Variants in RBM12 observed in about 807,000 individuals in gnomAD.
RBM12 encodes RNA-binding protein 12.
Under a neutral mutation model 37.2 loss-of-function variants are expected in RBM12, and 24 were observed. That is an observed-to-expected ratio of 0.65 (90% CI 0.47 to 0.91). The LOEUF (loss-of-function observed/expected upper bound fraction) is 0.91. RBM12 is among the 40% of genes least tolerant of loss of function. RBM12 has a pLI of 0.00. For synonymous variants in RBM12, 420 were observed against 425.2 expected, an observed-to-expected ratio of 0.99 and a Z score of 0.15; for missense variants, 1,061 against 1,183.2, an observed-to-expected ratio of 0.90 and a Z score of 1.52.
intron 1 of RBM12, among the ~76,000 whole-genome samples, chr20:35,662,394 T>G (rs1488347654): frequency 6.6e-6 from 1 of 152,216 alleles, no homozygotes; most frequent in African/African-American, 2.4e-5. Context: ...GGTATATGGG[T>G]GTGGTAGTAA....
Position 35,653,515 on chromosome 20 carries a change from C to CCTTA in RBM12, c.1807_1808insTAAG (p.Arg603LeufsTer6). 6.2e-7 allele frequency: 1 copy of CCTTA among 1,614,196 alleles called. No individual in the cohort carries two copies. The highest frequency in any genetic ancestry group is 1.1e-5 in the South Asian group (1 of 91,084). On this transcript the variant is annotated frameshift_variant, in exon 3 of 3. Transcript: ENST00000374114. LOFTEE classifies it high-confidence loss of function. ...CCCATTAAGTTTTTTACGGTGTAAGCGTTCAGACTTACGTGCATCATCTTC... is the reference window on the plus strand; with the variant it reads ...CCCATTAAGTTTTTTACGGTGTAAGCCTTAGTTCAGACTTACGTGCATCATCTTC...
Position 35,653,591 on chromosome 20 carries a change from C to T in RBM12, c.1732G>A (p.Val578Ile), listed in dbSNP as rs1212379618. The change falls in exon 3 of 3, where the codon GTT (valine) becomes ATT (isoleucine). Residue 578 changes from valine (V) to isoleucine (I), a missense_variant. Val to Ile is a conservative substitution (Grantham distance 29, BLOSUM62 3). Coordinates refer to ENST00000374114, the MANE Select transcript of RBM12 (RefSeq NM_006047.6). ...PVDENAVHVL[V>I]DNNGQGLGQA... ...CCTAGACCTTGCCCATTGTTATCAA[C>T]AAGAACATGTACAGCATTTTCATCC... is the stretch of plus-strand genomic sequence containing the variant. The T allele has an allele frequency of 1.2e-6, 2 of 1,614,186 alleles. No individual in the cohort carries two copies. The highest frequency in any genetic ancestry group is 1.7e-6 in the Non-Finnish European group (2 of 1,180,038).
chr20:35,658,351 ACTGC>A (rs1351196096), intron 2 of RBM12, among the ~76,000 whole-genome samples: 1 of 152,248 alleles, frequency 6.6e-6, no homozygotes, highest in Non-Finnish European at 1.5e-5. Flanking sequence ...AATAAAACTT[ACTGC>A]CTATCAGGAA....
In RBM12 at chr20:35,653,889, G is replaced by A. The variant is rs749357893; in HGVS notation, c.1434C>T (p.Phe478=). 5 of 1,614,060 alleles carry A rather than the reference G, an allele frequency of 3.1e-6. No individual in the cohort carries two copies. In the Admixed American group the frequency reaches 6.7e-5, roughly 22 times the overall value. The change falls in exon 3 of 3, where the codon TTC becomes TTT. Residue 478 remains phenylalanine (F), a synonymous_variant. Transcript: ENST00000374114. ...GKATGEGFVE[F]RNEADYKAAL... Reference sequence around the variant, plus strand: ...CAGCCTTATAGTCAGCCTCATTTCTGAACTCTACAAAGCCTTCGCCAGTTG... The same window carrying A: ...CAGCCTTATAGTCAGCCTCATTTCTAAACTCTACAAAGCCTTCGCCAGTTG...
chr20:35,658,520 G>C (rs2146367635), intron 2 of RBM12, among the ~76,000 whole-genome samples: 1 of 152,210 alleles, frequency 6.6e-6, no homozygotes, highest in African/African-American at 2.4e-5. Flanking sequence ...CAGCACTTTG[G>C]GAGGCTAAGG....
chr20:35,653,300 T>C lies in RBM12; in HGVS notation c.2023A>G (p.Thr675Ala). Residue 675 changes from threonine to alanine, a missense_variant, in exon 3 of 3, where the codon ACA (threonine) becomes GCA (alanine). This residue lies in a region of RBM12 where 517 missense variants were observed against 534.0 expected (regional missense o/e 0.97). Coordinates refer to ENST00000374114, the MANE Select transcript of RBM12 (RefSeq NM_006047.6). ...GTTATTGCTGAACCAGGCAGTCCTG[T>C]GCTGGGCAGGCCTGCACCGGGAAGT... is the stretch of plus-strand genomic sequence containing the variant. ...AGLPGAGLPS[T>A]GLPGSAITSA... is the part of the protein sequence containing the mutation. 2.5e-6 allele frequency: 4 copies of C among 1,613,604 alleles called. No individual in the cohort carries two copies. Among genetic ancestry groups the C allele is most frequent in the Non-Finnish European group, 3.4e-6 (4 of 1,179,812 alleles).
intron 1 of RBM12, 102 bp from the exon 2 acceptor site, chr20:35,659,116 A>T: frequency 2.1e-6 from 1 of 468,912 alleles, no homozygotes; most frequent in Non-Finnish European, 3.9e-6. Flanking sequence ...AAACCACCAG[A>T]GTACTTCATT....
chr20:35,664,414 C>T (rs1010825730), intron 1 of RBM12: 1 of 152,326 alleles, frequency 6.6e-6, no homozygotes, highest in African/African-American at 2.4e-5. Context: ...GACAAGAAAT[C>T]CTCCGTACTC....
intron 1 of RBM12, 105 bp from the exon 2 acceptor site, chr20:35,659,119 A>G (rs1195493881): frequency 4.5e-6 from 2 of 448,712 alleles, no homozygotes; most frequent in African/African-American, 4.2e-5. Flanking sequence ...CCACCAGAGT[A>G]CTTCATTAGA....
At position 35,652,590 on chromosome 20, in the gene RBM12, T is replaced by A. The variant is rs1177851466; in HGVS notation, c.2733A>T (p.Thr911=). 2.8e-5 allele frequency: 45 copies of A among 1,614,104 alleles called. No homozygotes were observed. The highest frequency in any genetic ancestry group is 3.6e-5 in the Non-Finnish European group (43 of 1,180,036). ...TGTCATTTAAGTCAATGACAGCAGC[T>A]GTGGCTTCATCCCGAGACTCAAAGG... ...MVAFESRDEA[T]AAVIDLNDRP... Residue 911 remains threonine (T), a synonymous_variant, in exon 3 of 3, where the codon ACA becomes ACT. Transcript: ENST00000374114.
rs765167801 is a variant in RBM12, at chr20:35,653,013, C to T, written c.2310G>A (p.Pro770=). The T allele has an allele frequency of 5.2e-5, 84 of 1,613,738 alleles. No homozygotes were observed. Among genetic ancestry groups the T allele is most frequent in the African/African-American group, 4.1e-4 (31 of 74,948 alleles). Residue 770 remains proline (P), a synonymous_variant, in exon 3 of 3, where the codon CCG becomes CCA. Transcript: ENST00000374114. ...SGLPGLGLDV[P]GFGGGPNNLS... is the part of the protein sequence containing the mutation. The stretch of plus-strand genomic sequence containing the variant: ...AATTGTTTGGTCCACCTCCAAAACC[C>T]GGAACATCCAGTCCTAGACCAGGCA...
At chr20:35,658,843 T>C (rs571177026) in intron 2 of RBM12, 87 bp downstream of exon 2, 2 of 670,706 alleles carry the variant, frequency 3.0e-6, no homozygotes, top group South Asian at 1.6e-5. Context: ...ACACACAATA[T>C]AGTTGCTACA....
Position 35,654,441 on chromosome 20 carries a change from CA to C in RBM12, c.881del (p.Val294GlyfsTer42). The C allele has an allele frequency of 6.2e-7, 1 of 1,614,190 alleles. No homozygotes were observed. Among genetic ancestry groups the C allele is most frequent in the Non-Finnish European group, 8.5e-7 (1 of 1,180,026 alleles). ...NPIQMNSQSS[V>X]KPLPINPDDL... ...CATCAGGGTTGATGGGGAGTGGCTT[CA>C]CACTGCTCTGAGAGTTCATCTGGAT... On this transcript the variant is annotated frameshift_variant, in exon 3 of 3. Coordinates refer to ENST00000374114, the MANE Select transcript of RBM12 (RefSeq NM_006047.6). LOFTEE classifies it high-confidence loss of function.
At chr20:35,658,692 G>A (rs1424582852) in intron 2 of RBM12, among the ~76,000 whole-genome samples, 2 of 151,842 alleles carry the variant, frequency 1.3e-5, no homozygotes, top group African/African-American at 4.8e-5. Context: ...CCCGGGAGGC[G>A]GAGGTTGCAG....
In RBM12 at chr20:35,654,146, G is replaced by C. The variant is rs1260063096; in HGVS notation, c.1177C>G (p.Gln393Glu). ...GTTTGTCCAGAAGGTCCCATATTTT[G>C]CTTAAAAGTGATATGGCCTCCAGCA... Reference protein sequence around the residue: ...VAAGGHITFKQNMGPSGQTHP... With the variant: ...VAAGGHITFKENMGPSGQTHP... Residue 393 changes from glutamine (Q) to glutamate (E), a missense_variant, in exon 3 of 3, where the codon CAA (glutamine) becomes GAA (glutamate). Coordinates refer to ENST00000374114, the MANE Select transcript of RBM12 (RefSeq NM_006047.6). The C allele has an allele frequency of 6.2e-7, 1 of 1,614,210 alleles. No individual in the cohort carries two copies. The highest frequency in any genetic ancestry group is 1.7e-5 in the Admixed American group (1 of 60,028).
intron 2 of RBM12, among the ~76,000 whole-genome samples, chr20:35,656,720 G>A (rs925452354): frequency 2.0e-5 from 3 of 150,370 alleles, no homozygotes; most frequent in Non-Finnish European, 4.5e-5. Flanking sequence ...ATTTAGGAGA[G>A]ATGGGATTTC....
At position 35,653,299 on chromosome 20, in the gene RBM12, G is replaced by A. The variant is rs779197482; in HGVS notation, c.2024C>T (p.Thr675Ile). The A allele has an allele frequency of 6.2e-6, 10 of 1,613,556 alleles. No individual in the cohort carries two copies. The African/African-American group carries it at 1.3e-4, about 22-fold the overall frequency. The stretch of plus-strand genomic sequence containing the variant: ...GGTTATTGCTGAACCAGGCAGTCCT[G>A]TGCTGGGCAGGCCTGCACCGGGAAG... ...AGLPGAGLPSTGLPGSAITSA... is the reference protein window; with the variant it reads ...AGLPGAGLPSIGLPGSAITSA... Residue 675 changes from threonine (T) to isoleucine (I), a missense_variant, in exon 3 of 3, where the codon ACA becomes ATA. By Grantham distance (89) the Thr-to-Ile change is moderately conservative (BLOSUM62 -1). Transcript: ENST00000374114.
rs1414708538 is a variant in RBM12 at position 35,651,407 on chromosome 20, G to C, written c.*1117C>G. 1 of 152,144 alleles carries C rather than the reference G, an allele frequency of 6.6e-6. No homozygotes were observed. The highest frequency in any genetic ancestry group is 1.5e-5 in the Non-Finnish European group (1 of 68,030). 9.4% of individuals were successfully genotyped at this position (152,144 alleles called of 1,614,324 possible). On this transcript the variant is annotated 3_prime_UTR_variant, in exon 3 of 3. Coordinates refer to ENST00000374114, the MANE Select transcript of RBM12 (RefSeq NM_006047.6). ...ACTTTTAGTAAACAGGCTCCTGATC[G>C]AACAACTATGCCAAAAAGCCTCCAA... is the stretch of plus-strand genomic sequence containing the variant.
At chr20:35,657,143 C>T (rs2033946908) in intron 2 of RBM12, among the ~76,000 whole-genome samples, 1 of 152,134 alleles carries the variant, frequency 6.6e-6, no homozygotes, top group Non-Finnish European at 1.5e-5. Context: ...ACAGAAAATG[C>T]TTTTTGTGAG....
Sources: allele counts gnomAD v4.1 joint callset (sites outside exome capture counted in the v4.1 genomes callset), GRCh38; gene constraint gnomAD v4.1.1; regional missense constraint gnomAD v4.1.1; transcripts MANE v1.5; gene names NCBI Gene and HGNC (gene_info 2026-07-23, HGNC 2026-07-21).